The following ABCG8 variants were observed in gnomAD, a reference collection of about 807,000 sequenced individuals.
The protein encoded by ABCG8 is ATP-binding cassette sub-family G member 8.
Under a neutral mutation model 71.3 loss-of-function variants are expected in ABCG8, and 81 were observed. The ratio of observed to expected loss-of-function variants is 1.14; its 90% CI spans 0.95 to 1.37. ABCG8 has a LOEUF of 1.37. Ranked by LOEUF, ABCG8 falls within the 40% of genes most tolerant of loss-of-function variation. The pLI, the probability that ABCG8 is intolerant of heterozygous loss-of-function variation, is 0.00. For synonymous variants in ABCG8, 451 were observed against 354.7 expected, an observed-to-expected ratio of 1.27 and a Z score of -3.05; for missense variants, 1,119 against 866.2, an observed-to-expected ratio of 1.29 and a Z score of -3.66.
intron 6 of ABCG8, among the ~76,000 whole-genome samples, chr2:43,870,939 G>T (rs181129794): frequency 5.3e-5 from 8 of 151,296 alleles, no homozygotes; most frequent in Admixed American, 2.6e-4. Context: ...TTAATAACTC[G>T]ATAGAACTTT....
chr2:43,841,908 T>A (rs1377925898), intron 1 of ABCG8, among the ~76,000 whole-genome samples: 1 of 152,242 alleles, frequency 6.6e-6, no homozygotes, highest in Non-Finnish European at 1.5e-5. Flanking sequence ...AAGTAATTTC[T>A]CAGCTCATTT....
intron 3 of ABCG8, chr2:43,848,394 G>C (rs918531365): frequency 6.6e-6 from 1 of 152,148 alleles, no homozygotes; most frequent in African/African-American, 2.4e-5. Flanking sequence ...CTCATCAGTC[G>C]GTAGCCTGTG....
intron 6 of ABCG8, among the ~76,000 whole-genome samples, chr2:43,863,174 G>A (rs1299271538): frequency 6.7e-6 from 1 of 150,076 alleles, no homozygotes; most frequent in Admixed American, 6.6e-5. Context: ...TCACTCTCTG[G>A]ATATAACTCT....
intron 6 of ABCG8, among the ~76,000 whole-genome samples, chr2:43,853,941 G>C (rs1034256708): frequency 2.6e-5 from 4 of 152,146 alleles, no homozygotes; most frequent in Non-Finnish European, 5.9e-5. Context: ...CTCACAGAAA[G>C]GTCACCTCCC....
intron 6 of ABCG8, among the ~76,000 whole-genome samples, chr2:43,861,693 C>T (rs1669325217): frequency 6.6e-6 from 1 of 151,132 alleles, no homozygotes; most frequent in Non-Finnish European, 1.5e-5. Flanking sequence ...CTCTCACAAT[C>T]TGGATAGAAT....
rs1406624490 is a variant in ABCG8 at position 43,882,731 on chromosome 2, CA to C, written c.*4819del. The stretch of plus-strand genomic sequence containing the variant: ...GGTAGGCAGGCAGGCAGATGGAGCA[CA>C]GCCCATTCTCTGCTGGTGCACTAGG... On this transcript the variant is annotated 3_prime_UTR_variant, in exon 13 of 13. Coordinates refer to ENST00000272286, the MANE Select transcript of ABCG8 (RefSeq NM_022437.3). 6.6e-6 allele frequency: 1 copy of C among 152,262 alleles called. No individual in the cohort carries two copies. Among genetic ancestry groups the C allele is most frequent in the Admixed American group, 6.5e-5 (1 of 15,288 alleles). The allele number at this position is 152,262 out of a possible 1,614,324, so 9.4% of individuals were successfully genotyped here. A position where few individuals can be genotyped will look rare whatever the true frequency, so the allele number is the denominator to read the frequency against.
rs1670051323 is a variant in ABCG8, at chr2:43,879,092, A to G, written c.*1179A>G. The stretch of plus-strand genomic sequence containing the variant: ...ATTACCCAGTCTTGGGTATTTCTTC[A>G]TAGCAGTGTGAGAGCAGATGAATAC... On this transcript the variant is annotated 3_prime_UTR_variant, in exon 13 of 13. Transcript: ENST00000272286. 1 of 152,200 alleles carries G rather than the reference A, an allele frequency of 6.6e-6. No homozygotes were observed. Among genetic ancestry groups the G allele is most frequent in the Admixed American group, 6.5e-5 (1 of 15,276 alleles). 9.4% of individuals were successfully genotyped at this position (152,200 alleles called of 1,614,324 possible). A position where few individuals can be genotyped will look rare whatever the true frequency, so the allele number is the denominator to read the frequency against.
chr2:43,856,142 C>A (rs1669097780), intron 6 of ABCG8, among the ~76,000 whole-genome samples: 1 of 152,038 alleles, frequency 6.6e-6, no homozygotes, highest in Non-Finnish European at 1.5e-5. Context: ...CACTATGTAT[C>A]TGGATAGAGT....
At chr2:43,849,120 A>G (rs141472046) in intron 3 of ABCG8, among the ~76,000 whole-genome samples, 2 of 152,126 alleles carry the variant, frequency 1.3e-5, no homozygotes, top group East Asian at 1.9e-4. Context: ...GTGGTTTCCA[A>G]TTGATGAGTT....
chr2:43,875,922 A>C (rs928763585), intron 11 of ABCG8, among the ~76,000 whole-genome samples: 1 of 151,886 alleles, frequency 6.6e-6, no homozygotes, highest in Non-Finnish European at 1.5e-5. Flanking sequence ...AGCCCCCAGC[A>C]CACCCCACCC....
At chr2:43,851,412 T>C (rs1215731881) in intron 3 of ABCG8, among the ~76,000 whole-genome samples, 172 bp from the exon 4 acceptor site, 1 of 152,246 alleles carries the variant, frequency 6.6e-6, no homozygotes, top group African/African-American at 2.4e-5. Context: ...TGGAGCTCCA[T>C]GTCCTGGGCC....
Position 43,875,182 on chromosome 2 carries a change from A to G in ABCG8, c.1525A>G (p.Ile509Val), listed in dbSNP as rs1225283855. The change falls in exon 11 of 13, where the codon ATC (isoleucine) becomes GTC (valine). Residue 509 changes from isoleucine to valine, a missense_variant. Physicochemically the swap from Ile to Val is conservative, Grantham distance 29. Coordinates refer to ENST00000272286, the MANE Select transcript of ABCG8 (RefSeq NM_022437.3). ...GCTTCCGGAGCACTGTGCCTACATC[A>G]TCATCTACGGGATGCCCACCTACTG... ...GELPEHCAYI[I>V]IYGMPTYWLA... 2.5e-6 allele frequency: 4 copies of G among 1,614,210 alleles called. No homozygotes were observed. The highest frequency in any genetic ancestry group is 3.4e-6 in the Non-Finnish European group (4 of 1,180,028).
At chr2:43,874,029 C>A (rs778221384) in intron 9 of ABCG8, 43 bp downstream of exon 9, 1 of 1,602,732 alleles carries the variant, frequency 6.2e-7, no homozygotes, top group East Asian at 2.2e-5. Context: ...ACCTCAGCCA[C>A]CTCCAAGCTG....
At chr2:43,847,219 G>A (rs568197371) in intron 3 of ABCG8, 2 of 152,280 alleles carry the variant, frequency 1.3e-5, no homozygotes, top group South Asian at 4.1e-4. Flanking sequence ...ATTTCCAGAG[G>A]TAGAGATTAC....
intron 6 of ABCG8, among the ~76,000 whole-genome samples, chr2:43,857,146 G>A (rs552513960): frequency 6.6e-6 from 1 of 151,526 alleles, no homozygotes; most frequent in African/African-American, 2.4e-5. Context: ...TATCTGGATA[G>A]AATTCTCACT....
rs141202651 is a variant in ABCG8, at chr2:43,864,646, C to A, written c.965-7330C>A. ...ATTCTCACTATGTGGATAGAGCTCT[C>A]ACTATCTGGATGGAATTCTCAATCT... On this transcript the variant is annotated intron_variant, in intron 6 of 12. Transcript: ENST00000272286. Among the ~76,000 whole-genome samples the A allele has an allele frequency of 7.7e-3, 1,175 of 151,748 alleles. 16 individuals are homozygous for A. Among genetic ancestry groups the A allele is most frequent in the African/African-American group, 0.025 (1,056 of 41,464 alleles).
At chr2:43,851,439 A>G in intron 3 of ABCG8, 145 bp from the exon 4 acceptor site, 2 of 904,184 alleles carry the variant, frequency 2.2e-6, no homozygotes, top group Non-Finnish European at 3.5e-6. Flanking sequence ...ATCTAGGTCC[A>G]GGGACTATGC....
intron 6 of ABCG8, among the ~76,000 whole-genome samples, chr2:43,854,108 G>T (rs1669018932): frequency 6.6e-6 from 1 of 152,224 alleles, no homozygotes; most frequent in South Asian, 2.1e-4. Flanking sequence ...AGTGTCCACA[G>T]CAAACCTGAA....
chr2:43,843,810 G>A (rs998547074), intron 1 of ABCG8, among the ~76,000 whole-genome samples: 1 of 152,060 alleles, frequency 6.6e-6, no homozygotes, highest in African/African-American at 2.4e-5. Context: ...ATTTTTTAAT[G>A]TACATTCAAA....
Sources: gnomAD v4.1 joint callset for allele counts (sites outside exome capture counted in the v4.1 genomes callset) on GRCh38, gnomAD v4.1.1 for gene constraint, MANE v1.5 for transcripts, NCBI Gene and HGNC (gene_info 2026-07-23, HGNC 2026-07-21) for gene names.